The following FMN1 variants were observed in gnomAD, a reference collection of about 807,000 sequenced individuals.
The protein encoded by FMN1 is formin-1.
Under a neutral mutation model 132.4 loss-of-function variants are expected in FMN1, and 110 were observed. That is an observed-to-expected ratio of 0.83 (90% CI 0.71 to 0.97). FMN1 has a LOEUF of 0.97. Ranked by LOEUF, FMN1 falls within the 50% of genes least tolerant of loss-of-function variation. The pLI, the probability that FMN1 is intolerant of heterozygous loss-of-function variation, is 0.00. For missense variants in FMN1, 1,792 were observed against 1,705.3 expected, an observed-to-expected ratio of 1.05 and a Z score of -0.90; for synonymous variants, 722 against 651.7, an observed-to-expected ratio of 1.11 and a Z score of -1.64.
chr15:33,048,631 C>CAA (rs768997793), intron 6 of FMN1, among the ~76,000 whole-genome samples: 1 of 43,440 alleles, frequency 2.3e-5, no homozygotes, highest in East Asian at 6.5e-4. Flanking sequence ...GGCAATTTAC[C>CAA]AAAAAAAAAA....
chr15:33,001,157 C>T (rs941703475), intron 7 of FMN1, among the ~76,000 whole-genome samples: 14 of 152,120 alleles, frequency 9.2e-5, no homozygotes, highest in African/African-American at 3.4e-4. Flanking sequence ...GTAGCACATG[C>T]TTGTAATTCC....
chr15:32,792,385 T>C (rs1305602119), intron 19 of FMN1, among the ~76,000 whole-genome samples: 1 of 151,234 alleles, frequency 6.6e-6, no homozygotes. Context: ...GTGGAGCTTG[T>C]AGTGAGCCGA....
intron 10 of FMN1, among the ~76,000 whole-genome samples, chr15:32,918,645 G>A (rs1404437918): frequency 2.0e-5 from 3 of 152,144 alleles, no homozygotes; most frequent in Admixed American, 1.3e-4. Context: ...AGGGCACAGG[G>A]CATAGAATTC....
At position 32,776,847 on chromosome 15, in the gene FMN1, G is replaced by A; in HGVS notation, c.4203C>T (p.Pro1401=). Reference sequence around the variant, plus strand: ...AAATATATCTCACCAGGCTAGCAGTGGGATTGATTTTCTTTGTCTCCACTT... The same window carrying A: ...AAATATATCTCACCAGGCTAGCAGTAGGATTGATTTTCTTTGTCTCCACTT... ...EKKVETKKIN[P]TASLKERLRQ... The change falls in exon 20 of 21, where the codon CCC becomes CCT. Residue 1401 remains proline (P), a synonymous_variant. Transcript: ENST00000616417. 6.3e-7 allele frequency: 1 copy of A among 1,584,434 alleles called. No homozygotes were observed. The highest frequency in any genetic ancestry group is 8.6e-7 in the Non-Finnish European group (1 of 1,160,056).
At chr15:32,914,578 T>C (rs2060639170) in intron 10 of FMN1, among the ~76,000 whole-genome samples, 1 of 152,184 alleles carries the variant, frequency 6.6e-6, no homozygotes, top group African/African-American at 2.4e-5. Context: ...CAGTTATGAA[T>C]GGAGGAGTAA....
intron 9 of FMN1, among the ~76,000 whole-genome samples, chr15:32,936,806 G>C (rs1482530488): frequency 6.6e-6 from 1 of 152,142 alleles, no homozygotes; most frequent in African/African-American, 2.4e-5. Flanking sequence ...CAGTTCCTTG[G>C]ACAACACTGT....
intron 17 of FMN1, among the ~76,000 whole-genome samples, chr15:32,851,105 T>C (rs549541741): frequency 1.3e-5 from 2 of 152,218 alleles, no homozygotes; most frequent in South Asian, 4.2e-4. Flanking sequence ...GTATCTCTAA[T>C]CTCAGCTGGT....
At chr15:33,061,219 C>A (rs938599349) in intron 6 of FMN1, among the ~76,000 whole-genome samples, 3 of 152,174 alleles carry the variant, frequency 2.0e-5, no homozygotes, top group Non-Finnish European at 4.4e-5. Flanking sequence ...TACCACAGGT[C>A]AGTCCAAATG....
chr15:33,167,626 C>T (rs891785347), intron 3 of FMN1, among the ~76,000 whole-genome samples: 2 of 152,082 alleles, frequency 1.3e-5, no homozygotes, highest in Non-Finnish European at 1.5e-5. Context: ...CTTTTGGTTC[C>T]CCAAAAGCTT....
At chr15:33,041,463 C>G (rs2036433378) in intron 6 of FMN1, among the ~76,000 whole-genome samples, 1 of 75,016 alleles carries the variant, frequency 1.3e-5, no homozygotes, top group African/African-American at 4.6e-5. Flanking sequence ...CGACGTTCCT[C>G]ACCAGTAAAC....
intron 3 of FMN1, among the ~76,000 whole-genome samples, chr15:33,167,768 A>C (rs1307484228): frequency 2.6e-5 from 4 of 152,254 alleles, no homozygotes; most frequent in African/African-American, 9.6e-5. Context: ...AGAAGATGTC[A>C]TTAAGAAAAT....
At chr15:33,041,498 A>G (rs1300849113) in intron 6 of FMN1, among the ~76,000 whole-genome samples, 1 of 151,724 alleles carries the variant, frequency 6.6e-6, no homozygotes, top group Non-Finnish European at 1.5e-5. Flanking sequence ...CTGGAAAAAA[A>G]TAGTTAACAA....
In FMN1 at chr15:33,065,028, A is replaced by G; in HGVS notation, c.2090T>C (p.Leu697Pro). 6.2e-7 allele frequency: 1 copy of G among 1,611,934 alleles called. No homozygotes were observed. Among genetic ancestry groups the G allele is most frequent in the Non-Finnish European group, 8.5e-7 (1 of 1,179,018 alleles). ...CTTTGGGGGTGGCCAGACAGCTTGAAGTCTGCCAGGAGTCCTGTCATCCTG... is the reference window on the plus strand; with the variant it reads ...CTTTGGGGGTGGCCAGACAGCTTGAGGTCTGCCAGGAGTCCTGTCATCCTG... ...TEQDDRTPGR[L>P]QAVWPPPKTK... The change falls in exon 6 of 21, where the codon CTT (leucine) becomes CCT (proline). Residue 697 changes from leucine (L) to proline (P), a missense_variant. Transcript: ENST00000616417.
chr15:32,896,545 G>A (rs1013639609), intron 15 of FMN1, among the ~76,000 whole-genome samples: 7 of 151,980 alleles, frequency 4.6e-5, no homozygotes, highest in Non-Finnish European at 8.8e-5. Flanking sequence ...TTCATCTTAC[G>A]TGACTGAAAC....
chr15:33,008,986 C>T (rs1487397856), intron 6 of FMN1, among the ~76,000 whole-genome samples: 1 of 152,126 alleles, frequency 6.6e-6, no homozygotes. Flanking sequence ...AAGTAGATTT[C>T]CTAAATCAGG....
chr15:33,118,590 G>A (rs960786486), intron 4 of FMN1, among the ~76,000 whole-genome samples: 5 of 152,168 alleles, frequency 3.3e-5, no homozygotes, highest in African/African-American at 1.2e-4. Flanking sequence ...ACAGGAATGA[G>A]GGACAGTTCC....
At chr15:32,906,851 C>T (rs1229629386) in intron 12 of FMN1, among the ~76,000 whole-genome samples, 1 of 152,138 alleles carries the variant, frequency 6.6e-6, no homozygotes, top group Non-Finnish European at 1.5e-5. Context: ...TCACAATATT[C>T]CTAGGCTTTA....
intron 4 of FMN1, among the ~76,000 whole-genome samples, chr15:33,121,426 CCCT>C (rs1344834446): frequency 3.3e-5 from 5 of 152,138 alleles, no homozygotes; most frequent in South Asian, 4.1e-4. Context: ...GAAACTCATT[CCCT>C]CATTTCCAGT....
At chr15:32,980,431 T>C (rs1424066053) in intron 7 of FMN1, among the ~76,000 whole-genome samples, 2 of 152,182 alleles carry the variant, frequency 1.3e-5, no homozygotes, top group Non-Finnish European at 2.9e-5. Flanking sequence ...CAAACCAGGT[T>C]TTCTAGGGAT....
Sources: gnomAD v4.1 joint callset for allele counts (sites outside exome capture counted in the v4.1 genomes callset) on GRCh38, gnomAD v4.1.1 for gene constraint, MANE v1.5 for transcripts, NCBI Gene and HGNC (gene_info 2026-07-23, HGNC 2026-07-21) for gene names.